PSMA1: variants seen among roughly 807,000 people sequenced by gnomAD.
The protein encoded by PSMA1 is proteasome 20S subunit alpha 1.
In PSMA1, 3 loss-of-function variants were observed where a neutral mutation model predicts 38.4. That is an observed-to-expected ratio of 0.08 (90% CI 0.04 to 0.20). The LOEUF (loss-of-function observed/expected upper bound fraction) is 0.20. Ranked by LOEUF, PSMA1 falls within the 10% of genes least tolerant of loss-of-function variation. The probability of loss-of-function intolerance (pLI) is 1.00; values close to 1 mark genes in which losing one functional copy is unlikely to be tolerated. For missense variants in PSMA1, 227 were observed against 325.3 expected (o/e 0.70, Z 2.32); for synonymous variants, 101 against 107.1 (o/e 0.94, Z 0.35).
chr11:14,505,293 G>T, intron 9 of PSMA1, 45 bp from the exon 10 acceptor site: 2 of 1,454,536 alleles, frequency 1.4e-6, no homozygotes, highest in South Asian at 1.1e-5. Flanking sequence ...ATGAACACTT[G>T]ATCAATATAC....
chr11:14,611,436 T>A (rs902051374), intron 1 of PSMA1, among the ~76,000 whole-genome samples: 3 of 152,028 alleles, frequency 2.0e-5, no homozygotes, highest in African/African-American at 7.3e-5. Flanking sequence ...AATTGAAAAA[T>A]TGAGATGAAA....
At chr11:14,633,823 C>T (rs1003871652) in intron 1 of PSMA1, among the ~76,000 whole-genome samples, 4 of 152,148 alleles carry the variant, frequency 2.6e-5, no homozygotes, top group Non-Finnish European at 4.4e-5. Context: ...GAGCCAGGTG[C>T]GGGATATAAT....
chr11:14,610,930 A>C, intron 2 of PSMA1: 1 of 1,602,688 alleles, frequency 6.2e-7, no homozygotes. Flanking sequence ...AAATCTATGC[A>C]TTCTGTGTTT....
intron 2 of PSMA1, among the ~76,000 whole-genome samples, chr11:14,577,712 G>A (rs1180157959): frequency 6.6e-6 from 1 of 152,166 alleles, no homozygotes. Context: ...AGGCAAAGGA[G>A]GTTAGGTGAC....
intron 1 of PSMA1, among the ~76,000 whole-genome samples, chr11:14,632,103 G>A (rs1268906028): frequency 3.5e-5 from 5 of 141,058 alleles, no homozygotes; most frequent in African/African-American, 1.4e-4. Flanking sequence ...ACACTGATGG[G>A]TCTTGACTCT....
At chr11:14,618,920 T>A (rs1429544630) in intron 1 of PSMA1, among the ~76,000 whole-genome samples, 1 of 152,234 alleles carries the variant, frequency 6.6e-6, no homozygotes, top group East Asian at 1.9e-4. Context: ...TACAGGCATA[T>A]CTTTAAGCTA....
intron 2 of PSMA1, among the ~76,000 whole-genome samples, chr11:14,567,974 A>G (rs1852092607): frequency 6.6e-6 from 1 of 152,208 alleles, no homozygotes; most frequent in Non-Finnish European, 1.5e-5. Flanking sequence ...AACAATATAT[A>G]TTAAATAAGG....
intron 2 of PSMA1, among the ~76,000 whole-genome samples, chr11:14,594,686 C>G (rs935434928): frequency 6.6e-6 from 1 of 152,098 alleles, no homozygotes; most frequent in African/African-American, 2.4e-5. Flanking sequence ...ACAATGTTAG[C>G]TTCTAGTTAT....
At chr11:14,605,229 T>C (rs1464591492) in intron 2 of PSMA1, among the ~76,000 whole-genome samples, 1 of 152,166 alleles carries the variant, frequency 6.6e-6, no homozygotes, top group Admixed American at 6.6e-5. Flanking sequence ...TTTTGACTTT[T>C]AATAATAGCC....
intron 2 of PSMA1, among the ~76,000 whole-genome samples, chr11:14,603,291 A>C (rs1050444781): frequency 6.6e-6 from 1 of 152,192 alleles, no homozygotes; most frequent in Non-Finnish European, 1.5e-5. Flanking sequence ...CACTTTGTTA[A>C]GGGGAGAAAT....
At chr11:14,611,667 G>A (rs1852710259) in intron 1 of PSMA1, among the ~76,000 whole-genome samples, 1 of 151,974 alleles carries the variant, frequency 6.6e-6, no homozygotes, top group Non-Finnish European at 1.5e-5. Flanking sequence ...GCATTTTTTT[G>A]TTGGATCCCA....
At chr11:14,599,567 G>A (rs1286317119) in intron 2 of PSMA1, among the ~76,000 whole-genome samples, 1 of 152,008 alleles carries the variant, frequency 6.6e-6, no homozygotes, top group African/African-American at 2.4e-5. Context: ...CGAAGTTCTC[G>A]TACCATGGTT....
intron 2 of PSMA1, among the ~76,000 whole-genome samples, chr11:14,538,530 C>T (rs1282185082): frequency 1.3e-5 from 2 of 152,224 alleles, no homozygotes; most frequent in Non-Finnish European, 2.9e-5. Flanking sequence ...TCCCTTAACT[C>T]TTGAATGTCC....
intron 2 of PSMA1, among the ~76,000 whole-genome samples, chr11:14,602,416 G>A (rs975893504): frequency 1.3e-5 from 2 of 151,980 alleles, no homozygotes; most frequent in African/African-American, 4.8e-5. Context: ...CATTCATTGG[G>A]TGGAGAGCTC....
chr11:14,532,774 C>A (rs1261063808), intron 2 of PSMA1, among the ~76,000 whole-genome samples: 1 of 151,548 alleles, frequency 6.6e-6, no homozygotes, highest in East Asian at 1.9e-4. Flanking sequence ...ATGGCGAAAC[C>A]CCAGCTTCTT....
At position 14,618,757 on chromosome 11, in the gene PSMA1, G is replaced by C. The variant is rs537145295; in HGVS notation, c.-165-7606C>G. Among the ~76,000 whole-genome samples, 180 of 152,282 alleles carry C rather than the reference G, an allele frequency of 1.2e-3. 1 individual carries two copies. The highest frequency in any genetic ancestry group is 3.7e-3 in the South Asian group (18 of 4,830). On this transcript the variant is annotated intron_variant, in intron 1 of 10. Coordinates refer to the PSMA1 transcript ENST00000418988. The stretch of plus-strand genomic sequence containing the variant: ...AGTTAAGTTCATACTGTTTTTCAAA[G>C]TTTGATTCACAAATTCAGAAACTAT...
intron 2 of PSMA1, among the ~76,000 whole-genome samples, chr11:14,599,510 T>A (rs909875183): frequency 6.6e-6 from 1 of 152,228 alleles, no homozygotes; most frequent in African/African-American, 2.4e-5. Flanking sequence ...ACTGATACCC[T>A]TTCTTCCACT....
intron 1 of PSMA1, chr11:14,519,981 C>A: frequency 4.3e-6 from 2 of 463,452 alleles, no homozygotes; most frequent in East Asian, 3.6e-5. Flanking sequence ...CCATACACAG[C>A]ACTAGGAGCT....
chr11:14,607,235 G>C (rs959086935), intron 2 of PSMA1, among the ~76,000 whole-genome samples: 3 of 152,184 alleles, frequency 2.0e-5, no homozygotes, highest in Non-Finnish European at 4.4e-5. Context: ...TTTTAGCTCT[G>C]AACATTTCCC....
Sources: allele counts gnomAD v4.1 joint callset (sites outside exome capture counted in the v4.1 genomes callset), GRCh38; gene constraint gnomAD v4.1.1; transcripts MANE v1.5; gene names NCBI Gene and HGNC (gene_info 2026-07-23, HGNC 2026-07-21).